Variants in CDC73 observed in about 807,000 individuals in gnomAD.
The protein encoded by CDC73 is cell division cycle 73.
In CDC73, 21 loss-of-function variants were observed where a neutral mutation model predicts 83.7. That is an observed-to-expected ratio of 0.25 (90% CI 0.18 to 0.36). The LOEUF is 0.36. Among genes scored for constraint, CDC73 ranks in the 10% least tolerant of loss-of-function variants. The pLI is 1.00. For missense variants in CDC73, 342 were observed against 653.3 expected, an observed-to-expected ratio of 0.52 and a Z score of 5.19; for synonymous variants, 224 against 212.9, an observed-to-expected ratio of 1.05 and a Z score of -0.45.
At chr1:193,190,248 T>C (rs1676896178) in intron 10 of CDC73, among the ~76,000 whole-genome samples, 1 of 152,250 alleles carries the variant, frequency 6.6e-6, no homozygotes, top group Non-Finnish European at 1.5e-5. Context: ...ATTTTAGTTT[T>C]ATTGAGATGA....
At chr1:193,217,349 A>T (rs773783372) in intron 13 of CDC73, among the ~76,000 whole-genome samples, 1 of 152,142 alleles carries the variant, frequency 6.6e-6, no homozygotes, top group African/African-American at 2.4e-5. Flanking sequence ...ACTCTGCTCT[A>T]TCGCAGAGTT....
At chr1:193,172,177 G>A (rs894730305) in intron 10 of CDC73, among the ~76,000 whole-genome samples, 1 of 151,194 alleles carries the variant, frequency 6.6e-6, no homozygotes, top group Non-Finnish European at 1.5e-5. Context: ...CACCCACCTC[G>A]GCCTCCCAAA....
At chr1:193,215,738 C>T (rs1035219188) in intron 13 of CDC73, among the ~76,000 whole-genome samples, 2 of 151,764 alleles carry the variant, frequency 1.3e-5, no homozygotes, top group African/African-American at 4.8e-5. Context: ...TACAGGTGTG[C>T]ACTACCACAC....
intron 2 of CDC73, 124 bp downstream of exon 2, chr1:193,125,341 C>T: frequency 1.4e-6 from 1 of 700,360 alleles, no homozygotes; most frequent in Non-Finnish European, 2.6e-6. Context: ...TCATTGCAGC[C>T]TCGAACTCCT....
chr1:193,237,518 A>G (rs1677783806), intron 15 of CDC73, among the ~76,000 whole-genome samples: 1 of 152,104 alleles, frequency 6.6e-6, no homozygotes, highest in Non-Finnish European at 1.5e-5. Flanking sequence ...TGGGGATGTA[A>G]AGAAATTGAT....
At chr1:193,122,639 G>C in intron 1 of CDC73, 1 of 342,454 alleles carries the variant, frequency 2.9e-6, no homozygotes, top group East Asian at 5.9e-5. Flanking sequence ...GGACTGGTGC[G>C]CAAGGGATAC....
At chr1:193,162,296 ATATATACT>A in intron 10 of CDC73, among the ~76,000 whole-genome samples, 1 of 129,760 alleles carries the variant, frequency 7.7e-6, no homozygotes, top group East Asian at 2.1e-4. Context: ...ATGATATATT[ATATATACT>A]ATATATTATA....
chr1:193,240,333 G>A (rs1245913042), intron 15 of CDC73, among the ~76,000 whole-genome samples: 1 of 152,196 alleles, frequency 6.6e-6, no homozygotes, highest in Non-Finnish European at 1.5e-5. Context: ...AGGGGTGCAA[G>A]TATCCCTTTG....
At chr1:193,233,695 A>G (rs1431812935) in intron 14 of CDC73, among the ~76,000 whole-genome samples, 1 of 152,106 alleles carries the variant, frequency 6.6e-6, no homozygotes, top group East Asian at 1.9e-4. Flanking sequence ...CTATGTTTAG[A>G]TTTTTGGTTT....
chr1:193,242,273 G>A (rs952973243), intron 15 of CDC73, among the ~76,000 whole-genome samples: 1 of 152,146 alleles, frequency 6.6e-6, no homozygotes, highest in Non-Finnish European at 1.5e-5. Context: ...CCTCCTATCT[G>A]GAGCATCTTG....
At chr1:193,237,133 G>A (rs1677774918) in intron 15 of CDC73, 1 of 151,508 alleles carries the variant, frequency 6.6e-6, no homozygotes, top group Non-Finnish European at 1.5e-5. Context: ...TTAGTAGAGA[G>A]GGGGCTTCAC....
intron 7 of CDC73, among the ~76,000 whole-genome samples, chr1:193,143,292 T>C (rs1675937963): frequency 6.6e-6 from 1 of 152,202 alleles, no homozygotes; most frequent in African/African-American, 2.4e-5. Flanking sequence ...AAATGATTTG[T>C]TGATACTGAT....
In CDC73 at chr1:193,237,748, G is replaced by A. The variant is rs149671262; in HGVS notation, c.1417+1392G>A. Among the ~76,000 whole-genome samples, 314 of 152,158 alleles carry A rather than the reference G, an allele frequency of 2.1e-3. 2 individuals carry two copies. The highest frequency in any genetic ancestry group is 7.1e-3 in the African/African-American group (294 of 41,510). Reference sequence around the variant, plus strand: ...GGCTGCGGCTGCTGTGACTCTTTACGGCATCCTCCTCGACGTCTGTGAGTG... The same window carrying A: ...GGCTGCGGCTGCTGTGACTCTTTACAGCATCCTCCTCGACGTCTGTGAGTG... On this transcript the variant is annotated intron_variant, in intron 15 of 16. Coordinates refer to ENST00000367435, the MANE Select transcript of CDC73 (RefSeq NM_024529.5).
chr1:193,187,632 A>C (rs1056127108), intron 10 of CDC73, among the ~76,000 whole-genome samples: 1 of 152,172 alleles, frequency 6.6e-6, no homozygotes, highest in African/African-American at 2.4e-5. Context: ...TTTGGAGCTT[A>C]AGCTAAAGGT....
At chr1:193,221,909 T>C (rs1167534063) in intron 13 of CDC73, among the ~76,000 whole-genome samples, 1 of 152,178 alleles carries the variant, frequency 6.6e-6, no homozygotes, top group Non-Finnish European at 1.5e-5. Context: ...CACACAATTA[T>C]GGTACTGGCT....
At chr1:193,228,071 G>A (rs1309543976) in intron 13 of CDC73, among the ~76,000 whole-genome samples, 1 of 152,124 alleles carries the variant, frequency 6.6e-6, no homozygotes, top group Non-Finnish European at 1.5e-5. Flanking sequence ...TAGCACTTTG[G>A]TCACATTCTT....
At position 193,219,651 on chromosome 1, in the gene CDC73, A is replaced by AC. The variant is rs140770836; in HGVS notation, c.1154+7176dup. Among the ~76,000 whole-genome samples the AC allele has an allele frequency of 3.7e-3, 557 of 152,232 alleles. 3 individuals carry two copies. Among genetic ancestry groups the AC allele is most frequent in the African/African-American group, 0.011 (451 of 41,540 alleles). On this transcript the variant is annotated intron_variant, in intron 13 of 16. Transcript: ENST00000367435. ...TTAACAGAGAAACAGAAATCCAAAT[A>AC]CCACATGTTCTACGTGGGAGCTAGA...
intron 10 of CDC73, among the ~76,000 whole-genome samples, chr1:193,182,687 A>G (rs985869918): frequency 5.9e-5 from 9 of 152,142 alleles, no homozygotes; most frequent in Non-Finnish European, 8.8e-5. Flanking sequence ...GGCATATATT[A>G]AGAACTGGTT....
rs1391044929 is a variant in CDC73, at chr1:193,253,787, A to G, written c.*3075A>G. ...TGAAAGGAAAGTGGCATACTTTTAA[A>G]TTGGTCTACACAGAAAAGTAAAAGT... is the stretch of plus-strand genomic sequence containing the variant. On this transcript the variant is annotated 3_prime_UTR_variant, in exon 17 of 17. Transcript: ENST00000367435. 3 of 230,276 alleles carry G rather than the reference A, an allele frequency of 1.3e-5. No homozygotes were observed. The highest frequency in any genetic ancestry group is 2.6e-5 in the Non-Finnish European group (3 of 116,342). The allele number at this position is 230,276 out of a possible 1,614,324, so 14.3% of individuals were successfully genotyped here.
Sources: gnomAD v4.1 joint callset for allele counts (sites outside exome capture counted in the v4.1 genomes callset) on GRCh38, gnomAD v4.1.1 for gene constraint, MANE v1.5 for transcripts, NCBI Gene and HGNC (gene_info 2026-07-23, HGNC 2026-07-21) for gene names.